CTNND2: variants seen among roughly 807,000 people sequenced by gnomAD.
CTNND2 encodes the protein catenin delta 2, also known as catenin delta-2.
CTNND2 carries 22 observed loss-of-function variants against 144.4 expected under a neutral mutation model. The observed-to-expected ratio is 0.15, with a 90% CI of 0.11 to 0.22. The LOEUF (loss-of-function observed/expected upper bound fraction) is 0.22, where lower values mean the gene tolerates loss of function less well. Ranked by LOEUF, CTNND2 falls within the 10% of genes least tolerant of loss-of-function variation. CTNND2 has a pLI of 1.00. For missense variants in CTNND2, 1,353 were observed against 1,618.8 expected, an observed-to-expected ratio of 0.84 and a Z score of 2.82; for synonymous variants, 751 against 695.6, an observed-to-expected ratio of 1.08 and a Z score of -1.25.
chr5:11,216,100 A>T (rs1739144409), intron 10 of CTNND2, among the ~76,000 whole-genome samples: 1 of 152,222 alleles, frequency 6.6e-6, no homozygotes, highest in Admixed American at 6.5e-5. Context: ...GAAGGAAGAT[A>T]GCTCCACAGA....
chr5:11,860,467 A>T (rs999719374), intron 1 of CTNND2, among the ~76,000 whole-genome samples: 1 of 152,196 alleles, frequency 6.6e-6, no homozygotes, highest in Non-Finnish European at 1.5e-5. Flanking sequence ...TCATCTGTAA[A>T]TTTCACCGTT....
At chr5:11,556,344 CA>C (rs1334177480) in intron 3 of CTNND2, among the ~76,000 whole-genome samples, 5 of 151,956 alleles carry the variant, frequency 3.3e-5, no homozygotes, top group Admixed American at 6.6e-5. Context: ...AAGAATAAAT[CA>C]AATTATTTCA....
chr5:11,105,531 G>A (rs778034703), intron 14 of CTNND2, among the ~76,000 whole-genome samples: 8 of 135,688 alleles, frequency 5.9e-5, no homozygotes, highest in Non-Finnish European at 9.9e-5. Flanking sequence ...GAAGCCGAGA[G>A]GCCCTGGTGA....
At chr5:11,429,878 A>G (rs1031312795) in intron 3 of CTNND2, among the ~76,000 whole-genome samples, 1 of 152,206 alleles carries the variant, frequency 6.6e-6, no homozygotes, top group Non-Finnish European at 1.5e-5. Flanking sequence ...CCTATTCAGG[A>G]AGAAGCAACT....
chr5:11,495,266 A>C (rs909555210), intron 3 of CTNND2, among the ~76,000 whole-genome samples: 3 of 152,224 alleles, frequency 2.0e-5, no homozygotes, highest in African/African-American at 4.8e-5. Context: ...TGTGGAATGA[A>C]TAGAAAGATT....
intron 3 of CTNND2, among the ~76,000 whole-genome samples, chr5:11,435,582 C>T (rs562946335): frequency 6.6e-6 from 1 of 152,286 alleles, no homozygotes; most frequent in African/African-American, 2.4e-5. Context: ...TGCTGTGTTC[C>T]CATACATTTT....
chr5:11,536,067 A>G (rs780744152), intron 3 of CTNND2, among the ~76,000 whole-genome samples: 1 of 151,932 alleles, frequency 6.6e-6, no homozygotes, highest in Non-Finnish European at 1.5e-5. Context: ...TTTATTTTCC[A>G]TTTTTGATTT....
At chr5:11,095,073 T>C (rs934258615) in intron 15 of CTNND2, among the ~76,000 whole-genome samples, 1 of 152,218 alleles carries the variant, frequency 6.6e-6, no homozygotes, top group Non-Finnish European at 1.5e-5. Flanking sequence ...TCCCATTATG[T>C]AAAGTAGAAG....
At chr5:11,333,441 A>G (rs1483996042) in intron 9 of CTNND2, among the ~76,000 whole-genome samples, 1 of 151,958 alleles carries the variant, frequency 6.6e-6, no homozygotes, top group African/African-American at 2.4e-5. Context: ...TTTTTGTATT[A>G]TTCTGTAGAG....
intron 18 of CTNND2, among the ~76,000 whole-genome samples, chr5:10,993,777 C>T (rs530659352): frequency 1.3e-5 from 2 of 151,898 alleles, no homozygotes; most frequent in East Asian, 1.9e-4. Flanking sequence ...ACAGGAATAA[C>T]GAGAATTAGA....
At chr5:11,081,086 A>ACACACACT (rs1554039107) in intron 16 of CTNND2, among the ~76,000 whole-genome samples, 40 of 148,510 alleles carry the variant, frequency 2.7e-4, no homozygotes, top group African/African-American at 9.3e-4. Flanking sequence ...ACACACACAC[A>ACACACACT]CACACACACA....
intron 11 of CTNND2, among the ~76,000 whole-genome samples, chr5:11,160,013 G>A (rs980295075): frequency 1.1e-4 from 17 of 152,298 alleles, no homozygotes; most frequent in African/African-American, 3.6e-4. Context: ...TCAAGGTTGC[G>A]AGGTCTGATT....
chr5:11,484,072 C>A (rs142619778), intron 3 of CTNND2, among the ~76,000 whole-genome samples: 1 of 152,350 alleles, frequency 6.6e-6, no homozygotes, highest in East Asian at 1.9e-4. Context: ...TCCAGTTGCA[C>A]ACCCTCAAGG....
intron 2 of CTNND2, among the ~76,000 whole-genome samples, chr5:11,653,297 T>G (rs1782742297): frequency 6.6e-6 from 1 of 152,132 alleles, no homozygotes; most frequent in Non-Finnish European, 1.5e-5. Flanking sequence ...GTGTGGTAGT[T>G]CTGTTTTTCG....
At chr5:11,250,510 T>TAC (rs1743491255) in intron 9 of CTNND2, among the ~76,000 whole-genome samples, 1 of 80,388 alleles carries the variant, frequency 1.2e-5, no homozygotes, top group African/African-American at 6.9e-5. Flanking sequence ...TATATATATA[T>TAC]ATACATATAT....
chr5:11,149,715 T>C (rs1017249059), intron 12 of CTNND2, among the ~76,000 whole-genome samples: 1 of 152,066 alleles, frequency 6.6e-6, no homozygotes, highest in Non-Finnish European at 1.5e-5. Context: ...AAACTGAAAA[T>C]GAGTGTATGA....
intron 2 of CTNND2, among the ~76,000 whole-genome samples, chr5:11,614,677 C>T (rs1164429419): frequency 6.6e-6 from 1 of 152,196 alleles, no homozygotes; most frequent in African/African-American, 2.4e-5. Flanking sequence ...GGTATAGTCA[C>T]ATGACGGAAT....
chr5:10,992,879 CG>C (rs1579975570), intron 18 of CTNND2, among the ~76,000 whole-genome samples: 1 of 152,140 alleles, frequency 6.6e-6, no homozygotes, highest in African/African-American at 2.4e-5. Context: ...GAGAGCCTGG[CG>C]GGTAGGGCCT....
At chr5:11,206,637 A>C (rs548982197) in intron 10 of CTNND2, among the ~76,000 whole-genome samples, 105 of 152,342 alleles carry the variant, frequency 6.9e-4, no homozygotes, top group African/African-American at 1.5e-3. Flanking sequence ...CATTCTGACT[A>C]AACTCAAATG....
Sources: gnomAD v4.1 joint callset for allele counts (sites outside exome capture counted in the v4.1 genomes callset) on GRCh38, gnomAD v4.1.1 for gene constraint, MANE v1.5 for transcripts, NCBI Gene and HGNC (gene_info 2026-07-23, HGNC 2026-07-21) for gene names.